The following RELN variants were observed in gnomAD, a reference collection of about 807,000 sequenced individuals.
RELN encodes the protein reelin.
Under a neutral mutation model 427.6 loss-of-function variants are expected in RELN, and 108 were observed. That is an observed-to-expected ratio of 0.25 (90% CI 0.22 to 0.30). The LOEUF (loss-of-function observed/expected upper bound fraction) is 0.30, where lower values mean the gene tolerates loss of function less well. RELN is among the 10% of genes least tolerant of loss of function. The pLI is 1.00. For synonymous variants in RELN, 1,524 were observed against 1,513.4 expected, an observed-to-expected ratio of 1.01 and a Z score of -0.16; for missense variants, 3,715 against 4,302.8, an observed-to-expected ratio of 0.86 and a Z score of 3.82.
At chr7:103,883,627 TA>T (rs1280744851) in intron 2 of RELN, among the ~76,000 whole-genome samples, 1 of 152,170 alleles carries the variant, frequency 6.6e-6, no homozygotes, top group African/African-American at 2.4e-5. Flanking sequence ...CAAGCATTCC[TA>T]AACACCAATA....
Position 103,632,553 on chromosome 7 carries a change from G to A in RELN, c.2466-2377C>T, listed in dbSNP as rs920234812. Among the ~76,000 whole-genome samples, 45 of 152,280 alleles carry A rather than the reference G, an allele frequency of 3.0e-4. 2 individuals carry two copies. The highest frequency in any genetic ancestry group is 1.0e-3 in the African/African-American group (43 of 41,564). On this transcript the variant is annotated intron_variant, in intron 19 of 64. Coordinates refer to ENST00000428762, the MANE Select transcript of RELN (RefSeq NM_005045.4). ...CTTAACTTCTACATCGTATCTTTGG[G>A]TGTAGGGGGAGTTCCTAACGATTTC...
intron 3 of RELN, among the ~76,000 whole-genome samples, chr7:103,786,608 G>T (rs1235874459): frequency 1.3e-5 from 2 of 150,636 alleles, no homozygotes; most frequent in African/African-American, 4.9e-5. Context: ...ACAAAGAAGG[G>T]CATTACATAA....
At chr7:103,944,307 C>A (rs1240791815) in intron 1 of RELN, among the ~76,000 whole-genome samples, 1 of 152,024 alleles carries the variant, frequency 6.6e-6, no homozygotes. Flanking sequence ...GACTGGGACT[C>A]CTAGATCAAA....
rs1830728349 is a variant in RELN, at chr7:103,565,426, G to C, written c.5062C>G (p.Leu1688Val). The C allele has an allele frequency of 1.9e-6, 3 of 1,614,012 alleles. No homozygotes were observed. Among genetic ancestry groups the C allele is most frequent in the Non-Finnish European group, 2.5e-6 (3 of 1,179,980 alleles). The part of the protein sequence containing the change: ...NSHSVQLQYS[L>V]NNGKDWHLVT... Reference sequence around the variant, plus strand: ...AGATGCCAGTCCTTGCCATTGTTCAGAGAATACTGGAGCTGTACACTGTGG... The same window carrying C: ...AGATGCCAGTCCTTGCCATTGTTCACAGAATACTGGAGCTGTACACTGTGG... Residue 1688 changes from leucine (L) to valine (V), a missense_variant, in exon 34 of 65, where the codon CTG becomes GTG. This residue lies in a region of RELN where 2,208 missense variants were observed against 2,361.7 expected (regional missense o/e 0.93). Transcript: ENST00000428762.
intron 6 of RELN, among the ~76,000 whole-genome samples, chr7:103,745,542 C>T (rs375297900): frequency 6.0e-5 from 9 of 150,376 alleles, no homozygotes; most frequent in African/African-American, 5.0e-5. Flanking sequence ...AAAATCTCCT[C>T]AAGCTGATAA....
At chr7:103,592,758 T>G (rs950631391) in intron 27 of RELN, among the ~76,000 whole-genome samples, 3 of 152,194 alleles carry the variant, frequency 2.0e-5, no homozygotes, top group East Asian at 3.8e-4. Flanking sequence ...AGAAACAGCA[T>G]AGTGTTCTGC....
chr7:103,946,386 CA>C (rs796888863), intron 1 of RELN, among the ~76,000 whole-genome samples: 2 of 150,806 alleles, frequency 1.3e-5, no homozygotes. Context: ...AAACATTGAA[CA>C]AAAAAAAGGT....
intron 6 of RELN, among the ~76,000 whole-genome samples, chr7:103,735,807 AT>A (rs1455313329): frequency 6.6e-6 from 1 of 152,138 alleles, no homozygotes; most frequent in African/African-American, 2.4e-5. Flanking sequence ...TCCATAATGT[AT>A]TGCCACTGAA....
intron 6 of RELN, among the ~76,000 whole-genome samples, chr7:103,742,254 A>C (rs913113124): frequency 6.6e-6 from 1 of 152,154 alleles, no homozygotes; most frequent in African/African-American, 2.4e-5. Flanking sequence ...TCCACACCAA[A>C]AACCCATCTG....
rs1792584234 is a variant in RELN at position 103,805,818 on chromosome 7, T to C, written c.473+27719A>G. 3.3e-5 allele frequency among the ~76,000 whole-genome samples: 5 copies of C among 152,176 alleles called. 1 individual carries two copies. In the South Asian group the frequency reaches 1.0e-3, roughly 31 times the overall value. On this transcript the variant is annotated intron_variant, in intron 3 of 64. Transcript: ENST00000428762. ...TGCAGAATACAGACACAGAGGAGTC[T>C]AGAAGAATGCTGAATAACAAGGAGG...
intron 6 of RELN, among the ~76,000 whole-genome samples, chr7:103,746,499 A>T (rs1483470318): frequency 3.3e-5 from 5 of 151,874 alleles, no homozygotes; most frequent in Non-Finnish European, 1.5e-5. Context: ...AATGGGAGAA[A>T]ATTTTTGCAA....
At chr7:103,932,048 A>G (rs952136621) in intron 1 of RELN, among the ~76,000 whole-genome samples, 2 of 152,258 alleles carry the variant, frequency 1.3e-5, no homozygotes, top group Non-Finnish European at 2.9e-5. Context: ...ATATACCCAA[A>G]GGAATATAAA....
At chr7:103,987,512 A>G (rs868345134) in intron 1 of RELN, among the ~76,000 whole-genome samples, 25 of 152,344 alleles carry the variant, frequency 1.6e-4, no homozygotes, top group Middle Eastern at 6.8e-3. Context: ...AAAGCTTTGT[A>G]TCATCACATG....
intron 19 of RELN, among the ~76,000 whole-genome samples, chr7:103,632,250 A>G (rs1832486263): frequency 6.6e-6 from 1 of 152,214 alleles, no homozygotes. Context: ...GTGTCTCAGC[A>G]GCTTTATCTG....
chr7:103,603,884 TC>T lies in RELN; in HGVS notation c.3147-395del, dbSNP rs1279125997. On this transcript the variant is annotated intron_variant, in intron 23 of 64. Coordinates refer to ENST00000428762, the MANE Select transcript of RELN (RefSeq NM_005045.4). The surrounding 1 kb of genome is among the most constrained non-coding windows in gnomAD (Gnocchi z 4.3). ...TATAATTCAGGCAACATTTTATAGT[TC>T]CTCTTTCTGATTAAACTATGCCTTT... Among the ~76,000 whole-genome samples, 11 of 152,174 alleles carry T rather than the reference TC, an allele frequency of 7.2e-5. No individual in the cohort carries two copies. Among genetic ancestry groups the T allele is most frequent in the African/African-American group, 2.7e-4 (11 of 41,430 alleles).
chr7:103,828,998 T>G (rs774405412), intron 3 of RELN, among the ~76,000 whole-genome samples: 1 of 151,942 alleles, frequency 6.6e-6, no homozygotes, highest in Non-Finnish European at 1.5e-5. Flanking sequence ...GAAACCAGAC[T>G]GCCTTTGAAT....
At chr7:103,568,032 A>T (rs1291518711) in intron 31 of RELN, among the ~76,000 whole-genome samples, 1 of 152,102 alleles carries the variant, frequency 6.6e-6, no homozygotes, top group Non-Finnish European at 1.5e-5. Context: ...CCTGGGCTCA[A>T]GCGATCTGCC....
intron 1 of RELN, among the ~76,000 whole-genome samples, chr7:103,984,112 G>A (rs962049281): frequency 6.6e-6 from 1 of 151,148 alleles, no homozygotes; most frequent in Non-Finnish European, 1.5e-5. Context: ...ATGGAGTAAG[G>A]CTTCTAGTTT....
At position 103,753,226 on chromosome 7, in the gene RELN, G is replaced by T; in HGVS notation, c.545-12C>A. 1 of 1,613,886 alleles carries T rather than the reference G, an allele frequency of 6.2e-7. No homozygotes were observed. The highest frequency in any genetic ancestry group is 1.1e-5 in the South Asian group (1 of 91,070). On this transcript the variant is annotated splice_polypyrimidine_tract_variant and intron_variant, in intron 4 of 64. Transcript: ENST00000428762. Reference sequence around the variant, plus strand: ...GACATCTGTTGGAGCTGAATCAAGAGAGGAAAGAAGAAAGACAACTGATCA... The same window carrying T: ...GACATCTGTTGGAGCTGAATCAAGATAGGAAAGAAGAAAGACAACTGATCA...
Sources: gnomAD v4.1 joint callset for allele counts (sites outside exome capture counted in the v4.1 genomes callset) on GRCh38, gnomAD v4.1.1 for gene constraint, gnomAD v4.1.1 regional missense constraint, Gnocchi (gnomAD v3.1) non-coding constraint, MANE v1.5 for transcripts, NCBI Gene and HGNC (gene_info 2026-07-23, HGNC 2026-07-21) for gene names.